The following SF3A1 variants were observed in gnomAD, a reference collection of about 807,000 sequenced individuals.
SF3A1 encodes the protein SAP 114.
A neutral mutation model predicts 89.9 loss-of-function variants in SF3A1; 13 were observed. The ratio of observed to expected loss-of-function variants is 0.14; its 90% CI spans 0.09 to 0.23. The LOEUF (loss-of-function observed/expected upper bound fraction) is 0.23. Among genes scored for constraint, SF3A1 ranks in the 10% least tolerant of loss-of-function variants. SF3A1 has a pLI of 1.00. For missense variants in SF3A1, 604 were observed against 1,022.1 expected (o/e 0.59, Z 5.58); for synonymous variants, 405 against 374.4 (o/e 1.08, Z -0.94).
rs1198565106 is a variant in SF3A1, at chr22:30,338,831, G to T, written c.1701C>A (p.Pro567=). 6.2e-7 allele frequency: 1 copy of T among 1,614,018 alleles called. No individual in the cohort carries two copies. Among genetic ancestry groups the T allele is most frequent in the Admixed American group, 1.7e-5 (1 of 60,018 alleles). Residue 567 remains proline, a synonymous_variant, in exon 11 of 16, where the codon CCC becomes CCA. Transcript: ENST00000215793. ...PPPPSSATNI[P]SSAPPITSVP... The stretch of plus-strand genomic sequence containing the variant: ...CTGAAGTGATGGGTGGAGCCGAGCT[G>T]GGGATGTTGGTGGCTGAAGATGGTG...
chr22:30,336,539 C>T (rs1300432747), intron 13 of SF3A1, among the ~76,000 whole-genome samples: 1 of 152,168 alleles, frequency 6.6e-6, no homozygotes, highest in Non-Finnish European at 1.5e-5. Context: ...CTCCTTACTG[C>T]AGCCTGACAG....
Position 30,334,516 on chromosome 22 carries a change from G to C in SF3A1, c.*78C>G, listed in dbSNP as rs1002025605. On this transcript the variant is annotated 3_prime_UTR_variant, in exon 16 of 16. Coordinates refer to ENST00000215793, the MANE Select transcript of SF3A1 (RefSeq NM_005877.6). ...TATGCAGGCAAGGCAAAGCCTCAGG[G>C]GGGCTCCTGGGTCTGGGGCAGGGGG... 1.6e-5 allele frequency: 14 copies of C among 853,456 alleles called. No individual in the cohort carries two copies. Among genetic ancestry groups the C allele is most frequent in the South Asian group, 3.6e-5 (2 of 55,348 alleles). The allele number at this position is 853,456 out of a possible 1,614,324, so 52.9% of individuals were successfully genotyped here. A position where few individuals can be genotyped will look rare whatever the true frequency, so the allele number is the denominator to read the frequency against.
intron 2 of SF3A1, among the ~76,000 whole-genome samples, chr22:30,349,925 G>A (rs1336943415): frequency 2.0e-5 from 3 of 152,088 alleles, no homozygotes; most frequent in South Asian, 2.1e-4. Context: ...GATTACAGGC[G>A]TGAGCCACCT....
intron 11 of SF3A1, 74 bp from the exon 12 acceptor site, chr22:30,337,971 G>T: frequency 2.0e-6 from 2 of 1,013,534 alleles, no homozygotes; most frequent in Non-Finnish European, 3.1e-6. Context: ...TTGGCAACTG[G>T]CTGCCTGCAG....
chr22:30,341,036 T>C (rs2145807804), intron 7 of SF3A1, among the ~76,000 whole-genome samples: 1 of 151,468 alleles, frequency 6.6e-6, no homozygotes, highest in African/African-American at 2.4e-5. Context: ...CTCCCAGGCA[T>C]TTCCAGCAGC....
intron 2 of SF3A1, among the ~76,000 whole-genome samples, chr22:30,348,372 G>C (rs1931482601): frequency 6.6e-6 from 1 of 152,218 alleles, no homozygotes; most frequent in African/African-American, 2.4e-5. Context: ...GCCCGGCACA[G>C]TGGCGCACAC....
At chr22:30,348,702 A>G (rs1931494577) in intron 2 of SF3A1, among the ~76,000 whole-genome samples, 1 of 152,190 alleles carries the variant, frequency 6.6e-6, no homozygotes, top group South Asian at 2.1e-4. Context: ...TGCTTTGGAA[A>G]AAAAATTCTC....
Position 30,337,674 on chromosome 22 carries a change from T to C in SF3A1, c.1951+16A>G, listed in dbSNP as rs751710233. ...CCTGAACTAATGGCCTGGAAAATGA[T>C]GCAAGAGATACTGACCTGTTGGCAC... On this transcript the variant is annotated intron_variant, in intron 12 of 15. Transcript: ENST00000215793. 4.4e-6 allele frequency: 4 copies of C among 901,222 alleles called. No individual in the cohort carries two copies. In the African/African-American group the frequency reaches 8.0e-5, roughly 18 times the overall value. The allele number at this position is 901,222 out of a possible 1,614,324, so 55.8% of individuals were successfully genotyped here. A position where few individuals can be genotyped will look rare whatever the true frequency, so the allele number is the denominator to read the frequency against.
At chr22:30,347,493 G>A (rs1931455745) in intron 2 of SF3A1, among the ~76,000 whole-genome samples, 1 of 152,122 alleles carries the variant, frequency 6.6e-6, no homozygotes, top group Non-Finnish European at 1.5e-5. Flanking sequence ...TCCAACCACT[G>A]TCTGTACCTG....
intron 15 of SF3A1, among the ~76,000 whole-genome samples, chr22:30,334,983 C>A (rs964293788): frequency 2.0e-5 from 3 of 152,192 alleles, no homozygotes; most frequent in African/African-American, 7.2e-5. Flanking sequence ...ATCACAAGAC[C>A]TTTAGGGATC....
intron 1 of SF3A1, 45 bp from the exon 2 acceptor site, chr22:30,353,117 A>G: frequency 6.2e-7 from 1 of 1,606,046 alleles, no homozygotes; most frequent in South Asian, 1.1e-5. Flanking sequence ...TCCCTGGTTC[A>G]GAGCAGGTTC....
chr22:30,335,406 G>A (rs1931034137), intron 15 of SF3A1, 61 bp downstream of exon 15: 2 of 1,385,544 alleles, frequency 1.4e-6, no homozygotes, highest in Admixed American at 3.4e-5. Flanking sequence ...GACAGATTTA[G>A]CTTCTGTGAA....
At chr22:30,337,449 T>C (rs780138558) in intron 12 of SF3A1, among the ~76,000 whole-genome samples, 4 of 152,076 alleles carry the variant, frequency 2.6e-5, no homozygotes, top group Admixed American at 6.5e-5. Context: ...TCTGAGCCTG[T>C]TGGGGACCTG....
chr22:30,341,866 G>A lies in SF3A1; in HGVS notation c.897C>T (p.Thr299=). 1 of 1,613,088 alleles carries A rather than the reference G, an allele frequency of 6.2e-7. No individual in the cohort carries two copies. The highest frequency in any genetic ancestry group is 1.3e-5 in the African/African-American group (1 of 75,024). ...TTCGGGCCCCCAGCTCCTCTGGCGT[G>A]GTGGGGGGAGGGAAGTTCCCTAGAG... ...PNEQGNFPPP[T]TPEELGARIL... The change falls in exon 7 of 16, where the codon ACC becomes ACT. Residue 299 remains threonine, a synonymous_variant. Coordinates refer to ENST00000215793, the MANE Select transcript of SF3A1 (RefSeq NM_005877.6).
chr22:30,350,483 A>G (rs1261175678), intron 2 of SF3A1, among the ~76,000 whole-genome samples: 1 of 152,036 alleles, frequency 6.6e-6, no homozygotes, highest in Non-Finnish European at 1.5e-5. Flanking sequence ...CTCTGTCTCT[A>G]AAAAAGAAAT....
chr22:30,354,106 C>T (rs1196972067), intron 1 of SF3A1, among the ~76,000 whole-genome samples: 3 of 152,144 alleles, frequency 2.0e-5, no homozygotes, highest in African/African-American at 7.2e-5. Context: ...ACTAACGATC[C>T]CATAAGTACC....
In SF3A1 at chr22:30,338,840, G is replaced by C. The variant is rs770970327; in HGVS notation, c.1692C>G (p.Thr564=). The change falls in exon 11 of 16, where the codon ACC becomes ACG. Residue 564 remains threonine (T), a synonymous_variant. Coordinates refer to ENST00000215793, the MANE Select transcript of SF3A1 (RefSeq NM_005877.6). Reference sequence around the variant, plus strand: ...TGGGTGGAGCCGAGCTGGGGATGTTGGTGGCTGAAGATGGTGGCGGTGGCT... The same window carrying C: ...TGGGTGGAGCCGAGCTGGGGATGTTCGTGGCTGAAGATGGTGGCGGTGGCT... The part of the protein sequence containing the change: ...PQQPPPPSSA[T]NIPSSAPPIT... 6.2e-7 allele frequency: 1 copy of C among 1,614,196 alleles called. No homozygotes were observed. Among genetic ancestry groups the C allele is most frequent in the Non-Finnish European group, 8.5e-7 (1 of 1,180,020 alleles).
chr22:30,338,489 G>A (rs927263786), intron 11 of SF3A1, among the ~76,000 whole-genome samples: 3 of 148,006 alleles, frequency 2.0e-5, no homozygotes, highest in Admixed American at 6.7e-5. Flanking sequence ...CCGAGACCTC[G>A]ACTAAGTCTC....
chr22:30,350,669 G>A (rs1601700148), intron 2 of SF3A1, among the ~76,000 whole-genome samples: 1 of 152,018 alleles, frequency 6.6e-6, no homozygotes, highest in African/African-American at 2.4e-5. Context: ...AGTATTACAA[G>A]GATCTAAAAA....
Sources: allele counts gnomAD v4.1 joint callset (sites outside exome capture counted in the v4.1 genomes callset), GRCh38; gene constraint gnomAD v4.1.1; transcripts MANE v1.5; gene names NCBI Gene and HGNC (gene_info 2026-07-23, HGNC 2026-07-21).